The following ATP1B3 variants were observed in gnomAD, a reference collection of about 807,000 sequenced individuals.
ATP1B3 encodes ATPase Na+/K+ transporting subunit beta 3.
A neutral mutation model predicts 30.2 loss-of-function variants in ATP1B3; 10 were observed. The observed-to-expected ratio is 0.33, with a 90% confidence interval of 0.20 to 0.56. ATP1B3 has a LOEUF of 0.56. ATP1B3 is among the 20% of genes least tolerant of loss of function. The pLI is 0.90. For missense variants in ATP1B3, 238 were observed against 336.7 expected (o/e 0.71, Z 2.29); for synonymous variants, 113 against 117.0 (o/e 0.97, Z 0.22).
At chr3:141,912,445 TAG>T (rs1934382449) in intron 3 of ATP1B3, among the ~76,000 whole-genome samples, 1 of 152,122 alleles carries the variant, frequency 6.6e-6, no homozygotes, top group South Asian at 2.1e-4. Context: ...GTATTTTTAG[TAG>T]AGTCGTGGTT....
rs915031139 is a variant in ATP1B3, at chr3:141,903,463, T to A, written c.110-157T>A. 5.3e-5 allele frequency among the ~76,000 whole-genome samples: 8 copies of A among 152,254 alleles called. No homozygotes were observed. In the South Asian group the frequency reaches 1.5e-3, roughly 28 times the overall value. ...CTGAAATACCCCTTGCTTGGGCAAA[T>A]TTATGTGTCCTGAATATGAGGATAT... On this transcript the variant is annotated intron_variant, in intron 1 of 6. Coordinates refer to ENST00000286371, the MANE Select transcript of ATP1B3 (RefSeq NM_001679.4).
intron 2 of ATP1B3, among the ~76,000 whole-genome samples, chr3:141,906,268 C>T (rs1380973385): frequency 6.6e-6 from 1 of 151,842 alleles, no homozygotes. Flanking sequence ...CAACCTCTGT[C>T]TCCCAGGTTC....
chr3:141,877,227 A>ACCCCTGCCCGAAGTCGGGCC (rs1553742993), intron 1 of ATP1B3, among the ~76,000 whole-genome samples: 1 of 150,506 alleles, frequency 6.6e-6, no homozygotes, highest in African/African-American at 2.4e-5. Flanking sequence ...GAAGCCGGGG[A>ACCCCTGCCCGAAGTCGGGCC]CCCCTGCCCG....
At chr3:141,914,380 G>A (rs79007829) in intron 4 of ATP1B3, among the ~76,000 whole-genome samples, 13,557 of 152,190 alleles carry the variant, frequency 0.089, 751 homozygotes, top group East Asian at 0.16. Context: ...ATCCAAAGTA[G>A]CAGCATTTTG....
At position 141,876,698 on chromosome 3, in the gene ATP1B3, A is replaced by T; in HGVS notation, c.-104A>T. 1 of 790,292 alleles carries T rather than the reference A, an allele frequency of 1.3e-6. No individual in the cohort carries two copies. Among genetic ancestry groups the T allele is most frequent in the Non-Finnish European group, 2.0e-6 (1 of 490,652 alleles). 49.0% of individuals were successfully genotyped at this position (790,292 alleles called of 1,614,324 possible). On this transcript the variant is annotated 5_prime_UTR_variant, in exon 1 of 7. Coordinates refer to ENST00000286371, the MANE Select transcript of ATP1B3 (RefSeq NM_001679.4). ...GGTGTTCTCGGCCGTCCCACCCTTC[A>T]CTGCCGTCTCCGGGCTGCGCCGCCG...
At chr3:141,923,445 A>C (rs1481198164) in intron 6 of ATP1B3, among the ~76,000 whole-genome samples, 1 of 152,236 alleles carries the variant, frequency 6.6e-6, no homozygotes, top group Admixed American at 6.5e-5. Context: ...ACCCAGCAGC[A>C]AAGAAGGTTC....
chr3:141,892,789 G>C (rs1368952344), intron 1 of ATP1B3, among the ~76,000 whole-genome samples: 1 of 150,812 alleles, frequency 6.6e-6, no homozygotes, highest in African/African-American at 2.4e-5. Context: ...GGGGTACAAG[G>C]AACGTTTTGG....
intron 1 of ATP1B3, among the ~76,000 whole-genome samples, chr3:141,893,741 T>A (rs918678468): frequency 6.6e-6 from 1 of 152,236 alleles, no homozygotes; most frequent in Non-Finnish European, 1.5e-5. Flanking sequence ...GTAATCAAGA[T>A]AATGAACATT....
At chr3:141,915,212 T>C (rs1175162838) in intron 4 of ATP1B3, among the ~76,000 whole-genome samples, 1 of 152,218 alleles carries the variant, frequency 6.6e-6, no homozygotes. Context: ...ACTCAGGGCA[T>C]GGCTTTGTCA....
chr3:141,880,482 T>C (rs1366388896), intron 1 of ATP1B3, among the ~76,000 whole-genome samples: 3 of 152,202 alleles, frequency 2.0e-5, no homozygotes, highest in Non-Finnish European at 4.4e-5. Context: ...ACCTAGTGGC[T>C]GATGTTTGCA....
chr3:141,891,489 T>G (rs562188053), intron 1 of ATP1B3, among the ~76,000 whole-genome samples: 1 of 152,336 alleles, frequency 6.6e-6, no homozygotes, highest in Admixed American at 6.5e-5. Flanking sequence ...CATTTTAATT[T>G]TCCTAAAAAA....
At chr3:141,879,375 C>T (rs1933671265) in intron 1 of ATP1B3, among the ~76,000 whole-genome samples, 2 of 152,024 alleles carry the variant, frequency 1.3e-5, no homozygotes, top group African/African-American at 4.8e-5. Flanking sequence ...CATGTGCTTT[C>T]CAGGAAGTTT....
intron 6 of ATP1B3, 79 bp from the exon 7 acceptor site, chr3:141,925,452 A>G: frequency 6.8e-7 from 1 of 1,468,374 alleles, no homozygotes; most frequent in Non-Finnish European, 9.2e-7. Context: ...GAAAATTTAC[A>G]GAATAAGCCA....
At chr3:141,907,421 C>A in intron 3 of ATP1B3, 147 bp downstream of exon 3, 1 of 517,734 alleles carries the variant, frequency 1.9e-6, no homozygotes, top group Non-Finnish European at 3.3e-6. Flanking sequence ...GGAGCCAGGT[C>A]TTGGACCTGG....
intron 1 of ATP1B3, among the ~76,000 whole-genome samples, chr3:141,898,171 G>C (rs1176298072): frequency 6.6e-6 from 1 of 152,128 alleles, no homozygotes; most frequent in Non-Finnish European, 1.5e-5. Context: ...AAACATAGAT[G>C]CAAGTCTTTA....
At chr3:141,902,025 TTTCTC>T in intron 1 of ATP1B3, 2 of 789,866 alleles carry the variant, frequency 2.5e-6, no homozygotes, top group Non-Finnish European at 3.7e-6. Flanking sequence ...TCTCAAAGAA[TTTCTC>T]TTCTGTATCT....
intron 3 of ATP1B3, 31 bp from the exon 4 acceptor site, chr3:141,913,621 G>T (rs1245329359): frequency 3.2e-6 from 5 of 1,556,428 alleles, no homozygotes; most frequent in African/African-American, 1.4e-5. Flanking sequence ...TTTTTTGGCT[G>T]ATCTAGCACA....
intron 4 of ATP1B3, among the ~76,000 whole-genome samples, chr3:141,915,570 C>T (rs565757565): frequency 5.7e-4 from 86 of 152,194 alleles, no homozygotes; most frequent in African/African-American, 2.1e-3. Flanking sequence ...AGAGTGTGAC[C>T]TGATATAGTT....
chr3:141,899,366 A>G (rs74897901), intron 1 of ATP1B3, among the ~76,000 whole-genome samples: 3,142 of 152,300 alleles, frequency 0.021, 110 homozygotes, highest in African/African-American at 0.07. Flanking sequence ...TAGTTTATTT[A>G]CCAAATGGAA....
Sources: allele counts gnomAD v4.1 joint callset (sites outside exome capture counted in the v4.1 genomes callset), GRCh38; gene constraint gnomAD v4.1.1; transcripts MANE v1.5; gene names NCBI Gene and HGNC (gene_info 2026-07-23, HGNC 2026-07-21).